Variants in CLVS1 observed in about 807,000 individuals in gnomAD.
The protein encoded by CLVS1 is clavesin 1.
A neutral mutation model predicts 33.1 loss-of-function variants in CLVS1; 10 were observed. The ratio of observed to expected loss-of-function variants is 0.30; its 90% CI spans 0.19 to 0.51. The LOEUF is 0.51. Among genes scored for constraint, CLVS1 ranks in the 20% least tolerant of loss-of-function variants. CLVS1 has a pLI of 0.97. For synonymous variants in CLVS1, 163 were observed against 166.1 expected (o/e 0.98, Z 0.14); for missense variants, 343 against 433.4 (o/e 0.79, Z 1.85).
At chr8:61,213,615 C>G (rs1051399517) in intron 2 of CLVS1, among the ~76,000 whole-genome samples, 6 of 152,052 alleles carry the variant, frequency 3.9e-5, no homozygotes, top group Admixed American at 6.5e-5. Context: ...ATCACTTCCC[C>G]AATCAATACC....
At chr8:61,066,087 T>G (rs1321466455) in intron 1 of CLVS1, among the ~76,000 whole-genome samples, 6 of 152,226 alleles carry the variant, frequency 3.9e-5, no homozygotes. Flanking sequence ...ATTTACACAG[T>G]GCAGTTGGGA....
At chr8:61,366,529 A>G (rs1813219499) in intron 2 of CLVS1, among the ~76,000 whole-genome samples, 1 of 152,234 alleles carries the variant, frequency 6.6e-6, no homozygotes, top group Non-Finnish European at 1.5e-5. Context: ...TTAAGGACAC[A>G]CATCAGACGT....
rs36068150 is a variant in CLVS1, at chr8:61,345,621, G to GATGTGT, written c.456-30984_456-30983insATGTGT. ...TTCTTCCTTGATTGGAGCCTCTAGG[G>GATGTGT]GTGTGTGTGTGTGTGTATGTGTGTG... On this transcript the variant is annotated intron_variant, in intron 2 of 5. Coordinates refer to ENST00000325897, the MANE Select transcript of CLVS1 (RefSeq NM_173519.3). 2.2e-4 allele frequency among the ~76,000 whole-genome samples: 32 copies of GATGTGT among 148,792 alleles called. No homozygotes were observed. The South Asian group carries it at 2.8e-3, about 13-fold the overall frequency.
At chr8:61,442,106 G>A (rs988753030) in intron 3 of CLVS1, among the ~76,000 whole-genome samples, 1 of 152,038 alleles carries the variant, frequency 6.6e-6, no homozygotes, top group Non-Finnish European at 1.5e-5. Context: ...TCAGCCCCTG[G>A]CAATCACTAA....
At chr8:61,414,821 A>G (rs2129604258) in intron 3 of CLVS1, among the ~76,000 whole-genome samples, 1 of 152,366 alleles carries the variant, frequency 6.6e-6, no homozygotes, top group Middle Eastern at 3.4e-3. Context: ...GCTTGGACAG[A>G]TGAGATGTCA....
chr8:61,018,836 TC>T, the CLVS1 span, among the ~76,000 whole-genome samples: 1 of 152,234 alleles, frequency 6.6e-6, no homozygotes, highest in Non-Finnish European at 1.5e-5. Flanking sequence ...AATGTTTTGC[TC>T]CTCACTTGCA....
rs1286920319 is a variant in CLVS1, at chr8:61,500,307, A to AGAT, written c.*767_*769dup. The AGAT allele has an allele frequency of 4.6e-5, 7 of 152,310 alleles. No individual in the cohort carries two copies. The highest frequency in any genetic ancestry group is 1.7e-4 in the African/African-American group (7 of 41,568). The allele number at this position is 152,310 out of a possible 1,614,324, so 9.4% of individuals were successfully genotyped here. A position where few individuals can be genotyped will look rare whatever the true frequency, so the allele number is the denominator to read the frequency against. ...TTAGTGCAGCATGTGTCTGCAGAGG[A>AGAT]GATGTCTCATGAAAATCACATGTCA... On this transcript the variant is annotated 3_prime_UTR_variant, in exon 6 of 6. Transcript: ENST00000325897.
At chr8:60,994,585 C>T in the CLVS1 span, among the ~76,000 whole-genome samples, 1 of 152,186 alleles carries the variant, frequency 6.6e-6, no homozygotes. Context: ...GGGCAGATCT[C>T]TTACAACAAT....
chr8:61,022,967 C>A, the CLVS1 span, among the ~76,000 whole-genome samples: 63 of 152,306 alleles, frequency 4.1e-4, no homozygotes, highest in Admixed American at 1.8e-3. Context: ...AATAAAAGGA[C>A]TTTTTATAGC....
At chr8:61,331,806 TCC>T (rs1292612528) in intron 2 of CLVS1, among the ~76,000 whole-genome samples, 7 of 148,780 alleles carry the variant, frequency 4.7e-5, no homozygotes, top group Non-Finnish European at 8.9e-5. Flanking sequence ...CTTCTTCTTC[TCC>T]TCCTCCTCCT....
chr8:61,235,456 A>G (rs1808536518), intron 2 of CLVS1, among the ~76,000 whole-genome samples: 1 of 152,244 alleles, frequency 6.6e-6, no homozygotes, highest in Admixed American at 6.5e-5. Flanking sequence ...AAAGCTCAAG[A>G]AAATGGAACT....
chr8:61,482,379 T>A (rs568926358), intron 5 of CLVS1, among the ~76,000 whole-genome samples: 2 of 152,356 alleles, frequency 1.3e-5, no homozygotes, highest in East Asian at 3.9e-4. Context: ...GAAGAAGGCT[T>A]CAGATAATCC....
chr8:61,414,954 C>G (rs1205999711), intron 3 of CLVS1, among the ~76,000 whole-genome samples: 1 of 152,220 alleles, frequency 6.6e-6, no homozygotes, highest in Non-Finnish European at 1.5e-5. Flanking sequence ...ACTTATTCTC[C>G]TTACTTCATT....
intron 2 of CLVS1, among the ~76,000 whole-genome samples, chr8:61,268,581 G>T (rs1219629636): frequency 7.2e-6 from 1 of 138,938 alleles, no homozygotes. Context: ...AGATCCCTGA[G>T]GAATCGCCAC....
intron 3 of CLVS1, among the ~76,000 whole-genome samples, chr8:61,414,106 G>A (rs1585936617): frequency 6.6e-6 from 1 of 152,190 alleles, no homozygotes; most frequent in East Asian, 1.9e-4. Context: ...AAAATTAAAT[G>A]AGGGGAGGGA....
At chr8:61,279,193 G>T (rs2129593099) in intron 2 of CLVS1, among the ~76,000 whole-genome samples, 1 of 152,276 alleles carries the variant, frequency 6.6e-6, no homozygotes, top group South Asian at 2.1e-4. Context: ...ACACAGCTGT[G>T]CTTGGTGATG....
At chr8:61,300,365 G>A (rs1810383112) in intron 2 of CLVS1, 83 bp downstream of exon 2, 1 of 1,170,048 alleles carries the variant, frequency 8.5e-7, no homozygotes, top group Non-Finnish European at 1.2e-6. Context: ...GGCTTTATAT[G>A]TAATGGGCTT....
At chr8:61,493,143 T>A in intron 5 of CLVS1, among the ~76,000 whole-genome samples, 1 of 152,240 alleles carries the variant, frequency 6.6e-6, no homozygotes, top group Admixed American at 6.5e-5. Context: ...TTAGCTTTTA[T>A]GTGAAATTAT....
intron 2 of CLVS1, among the ~76,000 whole-genome samples, chr8:61,225,455 G>A (rs1052129716): frequency 2.0e-5 from 3 of 152,096 alleles, no homozygotes; most frequent in Non-Finnish European, 4.4e-5. Context: ...ATCATACTTT[G>A]TTATTTTTAA....
Sources: gnomAD v4.1 joint callset for allele counts (sites outside exome capture counted in the v4.1 genomes callset) on GRCh38, gnomAD v4.1.1 for gene constraint, MANE v1.5 for transcripts, NCBI Gene and HGNC (gene_info 2026-07-23, HGNC 2026-07-21) for gene names.